DAZAP1: variants seen among roughly 807,000 people sequenced by gnomAD.
The protein encoded by DAZAP1 is DAZ associated protein 1.
A neutral mutation model predicts 60.1 loss-of-function variants in DAZAP1; 6 were observed. That is an observed-to-expected ratio of 0.10 (90% confidence interval 0.05 to 0.20). The LOEUF is 0.20. DAZAP1 is among the 10% of genes least tolerant of loss of function. The probability of loss-of-function intolerance (pLI) is 1.00; values close to 1 mark genes in which losing one functional copy is unlikely to be tolerated. For synonymous variants in DAZAP1, 235 were observed against 215.9 expected, an observed-to-expected ratio of 1.09 and a Z score of -0.78; for missense variants, 366 against 560.4, an observed-to-expected ratio of 0.65 and a Z score of 3.50.
intron 1 of DAZAP1, among the ~76,000 whole-genome samples, chr19:1,408,830 G>T (rs1206702934): frequency 3.9e-5 from 6 of 152,238 alleles, no homozygotes; most frequent in Non-Finnish European, 8.8e-5. Flanking sequence ...AGCGGCTCCT[G>T]CCGCAGCGAC....
intron 4 of DAZAP1, 68 bp from the exon 5 acceptor site, chr19:1,421,079 TC>T (rs1266358763): frequency 1.4e-6 from 2 of 1,420,186 alleles, no homozygotes; most frequent in East Asian, 2.3e-5. Flanking sequence ...GGCCTTTATG[TC>T]CTCCGCAGCT....
At chr19:1,413,576 G>A (rs973721875) in intron 1 of DAZAP1, among the ~76,000 whole-genome samples, 1 of 152,242 alleles carries the variant, frequency 6.6e-6, no homozygotes, top group Admixed American at 6.5e-5. Flanking sequence ...GCTCCTGAGT[G>A]GTAGTAAAAG....
At chr19:1,408,061 C>CG (rs2082715803) in intron 1 of DAZAP1, among the ~76,000 whole-genome samples, 1 of 151,314 alleles carries the variant, frequency 6.6e-6, no homozygotes, top group Non-Finnish European at 1.5e-5. Flanking sequence ...CTGAGGGGTC[C>CG]GGGGGGCCCC....
intron 9 of DAZAP1, 81 bp from the exon 10 acceptor site, chr19:1,430,141 C>A: frequency 6.6e-7 from 1 of 1,513,836 alleles, no homozygotes; most frequent in Non-Finnish European, 9.0e-7. Flanking sequence ...TGCTAGGGCC[C>A]CTGGCAGGCC....
chr19:1,409,491 C>T (rs1233158582), intron 1 of DAZAP1, among the ~76,000 whole-genome samples: 2 of 152,204 alleles, frequency 1.3e-5, no homozygotes, highest in Non-Finnish European at 2.9e-5. Flanking sequence ...GCAGGCCACC[C>T]GGACGCCACG....
In DAZAP1 at chr19:1,421,158, C is replaced by T. The variant is rs182022415; in HGVS notation, c.314C>T (p.Pro105Leu). Residue 105 changes from proline to leucine, a missense_variant, in exon 5 of 12, where the codon CCC becomes CTC. This residue lies in a region of DAZAP1 where 98 missense variants were observed against 155.3 expected (regional missense o/e 0.63). Transcript: ENST00000233078. ...TRPKEGWQKG[P>L]RSDNSKSNKI... ...TCCCTTCTTCAACAGCAGAAAGGAC[C>T]CAGGAGCGATAACAGTAAATCAAAT... is the stretch of plus-strand genomic sequence containing the variant. 6.2e-7 allele frequency: 1 copy of T among 1,614,058 alleles called. No individual in the cohort carries two copies. The highest frequency in any genetic ancestry group is 2.2e-5 in the East Asian group (1 of 44,872).
intron 1 of DAZAP1, among the ~76,000 whole-genome samples, chr19:1,411,327 C>T (rs6510606): frequency 0.096 from 14,683 of 152,228 alleles, 2,330 homozygotes; most frequent in African/African-American, 0.33. Flanking sequence ...CCATTCACTC[C>T]GGGTCAGGAG....
intron 1 of DAZAP1, among the ~76,000 whole-genome samples, chr19:1,408,291 C>T (rs2082723479): frequency 6.6e-6 from 1 of 152,094 alleles, no homozygotes; most frequent in Non-Finnish European, 1.5e-5. Context: ...TGTAGGGCTT[C>T]CTGGCCTGGG....
intron 2 of DAZAP1, among the ~76,000 whole-genome samples, chr19:1,417,961 C>G (rs1281247944): frequency 6.6e-6 from 1 of 152,222 alleles, no homozygotes; most frequent in Non-Finnish European, 1.5e-5. Flanking sequence ...TGGACGCCTA[C>G]AAAGTCAGGT....
chr19:1,407,664 T>TCCGCCGCCGCCGCC lies in DAZAP1; in HGVS notation c.-110_-109insCCGCCGCCGCCGCC, dbSNP rs1424338907. ...CCGCCGCCGCCGCCGCCGCCGCCGT[T>TCCGCCGCCGCCGCC]GCGCAGATCCGGGCCGCGGCTGTGG... is the stretch of plus-strand genomic sequence containing the variant. On this transcript the variant is annotated 5_prime_UTR_variant, in exon 1 of 12. Coordinates refer to ENST00000233078, the MANE Select transcript of DAZAP1 (RefSeq NM_018959.4). 8.5e-6 allele frequency: 3 copies of TCCGCCGCCGCCGCC among 351,424 alleles called. No individual in the cohort carries two copies. Among genetic ancestry groups the TCCGCCGCCGCCGCC allele is most frequent in the Non-Finnish European group, 1.1e-5 (3 of 281,008 alleles). The allele number at this position is 351,424 out of a possible 1,614,324, so 21.8% of individuals were successfully genotyped here. A position where few individuals can be genotyped will look rare whatever the true frequency, so the allele number is the denominator to read the frequency against.
intron 7 of DAZAP1, chr19:1,427,580 T>A (rs995978483): frequency 1.3e-5 from 2 of 152,176 alleles, no homozygotes; most frequent in Non-Finnish European, 2.9e-5. Flanking sequence ...GTGAAAGAAT[T>A]TTTTTTTGTT....
rs1299079834 is a variant in DAZAP1, at chr19:1,423,357, G to A, written c.463+961G>A. Among the ~76,000 whole-genome samples the A allele has an allele frequency of 1.3e-5, 2 of 152,272 alleles. No individual in the cohort carries two copies. The highest frequency in any genetic ancestry group is 2.9e-5 in the Non-Finnish European group (2 of 68,040). On this transcript the variant is annotated intron_variant, in intron 6 of 11. Transcript: ENST00000233078. The surrounding 1 kb of genome is among the most constrained non-coding windows in gnomAD (Gnocchi z 6.8). ...GTGTTTCATAGTAAAGTACAGTGATGTTAAGTAAGCTGTTTTTCCTTTTCT... is the reference window on the plus strand; with the variant it reads ...GTGTTTCATAGTAAAGTACAGTGATATTAAGTAAGCTGTTTTTCCTTTTCT...
At chr19:1,419,978 C>T (rs1273798745) in intron 4 of DAZAP1, among the ~76,000 whole-genome samples, 1 of 113,150 alleles carries the variant, frequency 8.8e-6, no homozygotes, top group Non-Finnish European at 1.8e-5. Context: ...ACAGTCACGG[C>T]GGCGAGCACT....
rs769087808 is a variant in DAZAP1, at chr19:1,422,301, G to A, written c.415-47G>A. Reference sequence around the variant, plus strand: ...AGGCTGTGCCCTCGGAAGACCACCTGTGGTGCTGGCCCTGGTGTCCGTGCT... The same window carrying A: ...AGGCTGTGCCCTCGGAAGACCACCTATGGTGCTGGCCCTGGTGTCCGTGCT... On this transcript the variant is annotated intron_variant, in intron 5 of 11. Transcript: ENST00000233078. This position sits in a 1 kb window ranked among gnomAD's most constrained non-coding sequence, Gnocchi z 4.5. The A allele has an allele frequency of 1.9e-6, 3 of 1,586,400 alleles. No homozygotes were observed. In the African/African-American group the frequency reaches 4.0e-5, roughly 21 times the overall value.
chr19:1,422,465 C>A lies in DAZAP1; in HGVS notation c.463+69C>A. 2 of 1,471,350 alleles carry A rather than the reference C, an allele frequency of 1.4e-6. No homozygotes were observed. The highest frequency in any genetic ancestry group is 1.1e-5 in the South Asian group (1 of 87,212). The allele number at this position is 1,471,350 out of a possible 1,614,324, so 91.1% of individuals were successfully genotyped here. ...CCCTCAGATGGCAAACTATCTCACCCGCCAGGCACACACAGGTGGCGGCTG... is the reference window on the plus strand; with the variant it reads ...CCCTCAGATGGCAAACTATCTCACCAGCCAGGCACACACAGGTGGCGGCTG... On this transcript the variant is annotated intron_variant, in intron 6 of 11. Transcript: ENST00000233078. This position sits in a 1 kb window ranked among gnomAD's most constrained non-coding sequence, Gnocchi z 4.5.
At chr19:1,410,776 G>C (rs1015740977) in intron 1 of DAZAP1, among the ~76,000 whole-genome samples, 6 of 152,234 alleles carry the variant, frequency 3.9e-5, no homozygotes, top group Non-Finnish European at 8.8e-5. Context: ...GCAGCACACG[G>C]TCATGGAACT....
Position 1,428,991 on chromosome 19 carries a change from G to A in DAZAP1, c.696G>A (p.Pro232=), listed in dbSNP as rs370876332. ...CCACGTGGCAGCAAGGATATGGCCC[G>A]CAAGGTAAGGCTGATGCAGAGGTGC... The part of the protein sequence containing the change: ...PPPTWQQGYG[P]QGMWVPAGQA... Residue 232 remains proline, a synonymous_variant, in exon 8 of 12, where the codon CCG becomes CCA. Transcript: ENST00000233078. This position sits in a 1 kb window ranked among gnomAD's most constrained non-coding sequence, Gnocchi z 4.0. 3.3e-5 allele frequency: 52 copies of A among 1,587,638 alleles called. No individual in the cohort carries two copies. The Admixed American group carries it at 4.1e-4, about 13-fold the overall frequency.
In DAZAP1 at chr19:1,432,536, T is replaced by C. The variant is rs1916863210; in HGVS notation, c.894T>C (p.Pro298=). ...CAGGTTTTGGCTACGGGCCTCCACC[T>C]CCACCGCCAGATCAGTTTGCCCCTC... ...PQFSFGYGPP[P]PPPDQFAPPG... Residue 298 remains proline, a synonymous_variant, in exon 11 of 12, where the codon CCT becomes CCC. Transcript: ENST00000233078. The surrounding 1 kb of genome is among the most constrained non-coding windows in gnomAD (Gnocchi z 4.9). 1 of 1,613,718 alleles carries C rather than the reference T, an allele frequency of 6.2e-7. No individual in the cohort carries two copies. The highest frequency in any genetic ancestry group is 1.3e-5 in the African/African-American group (1 of 74,990).
chr19:1,421,050 C>T, intron 4 of DAZAP1, 98 bp from the exon 5 acceptor site: 2 of 1,058,908 alleles, frequency 1.9e-6, no homozygotes, highest in Admixed American at 1.8e-5. Flanking sequence ...TCAGCTGACT[C>T]TTTAAACCAG....
Sources: gnomAD v4.1 joint callset for allele counts (sites outside exome capture counted in the v4.1 genomes callset) on GRCh38, gnomAD v4.1.1 for gene constraint, gnomAD v4.1.1 regional missense constraint, Gnocchi (gnomAD v3.1) non-coding constraint, MANE v1.5 for transcripts, NCBI Gene and HGNC (gene_info 2026-07-23, HGNC 2026-07-21) for gene names.